PDSS2: variants seen among roughly 807,000 people sequenced by gnomAD.
The protein encoded by PDSS2 is decaprenyl diphosphate synthase subunit 2.
A neutral mutation model predicts 44.5 loss-of-function variants in PDSS2; 31 were observed. The observed-to-expected ratio is 0.70, with a 90% confidence interval of 0.52 to 0.94. The LOEUF (loss-of-function observed/expected upper bound fraction) is 0.94, where lower values mean the gene tolerates loss of function less well. Ranked by LOEUF, PDSS2 falls within the 40% of genes least tolerant of loss-of-function variation. The pLI is 0.00. For synonymous variants in PDSS2, 157 were observed against 180.3 expected, an observed-to-expected ratio of 0.87 and a Z score of 1.03; for missense variants, 452 against 482.2, an observed-to-expected ratio of 0.94 and a Z score of 0.59.
At chr6:107,331,817 A>T (rs1777719584) in intron 2 of PDSS2, among the ~76,000 whole-genome samples, 1 of 152,156 alleles carries the variant, frequency 6.6e-6, no homozygotes, top group East Asian at 1.9e-4. Context: ...TTTTGCAAGG[A>T]TTATTTTAGG....
At chr6:107,178,202 C>T (rs540583836) in intron 7 of PDSS2, among the ~76,000 whole-genome samples, 18 of 152,208 alleles carry the variant, frequency 1.2e-4, no homozygotes, top group African/African-American at 3.1e-4. Flanking sequence ...GCACCTCAAA[C>T]GACAGAGAAA....
intron 1 of PDSS2, among the ~76,000 whole-genome samples, chr6:107,391,909 A>C (rs1779797331): frequency 6.6e-6 from 1 of 151,428 alleles, no homozygotes; most frequent in African/African-American, 2.4e-5. Flanking sequence ...AGGGGGGAAA[A>C]ATCACCCTAC....
chr6:107,388,082 C>A (rs1000624744), intron 1 of PDSS2, among the ~76,000 whole-genome samples: 1 of 152,052 alleles, frequency 6.6e-6, no homozygotes, highest in Non-Finnish European at 1.5e-5. Context: ...CCCTACCAAT[C>A]AAAAAACGAA....
chr6:107,292,627 G>A (rs1776383591), intron 2 of PDSS2, among the ~76,000 whole-genome samples: 1 of 152,184 alleles, frequency 6.6e-6, no homozygotes, highest in African/African-American at 2.4e-5. Context: ...ACACCTATGA[G>A]AGTACTTTAA....
chr6:107,183,708 G>C (rs1227617727), intron 7 of PDSS2, among the ~76,000 whole-genome samples: 1 of 152,086 alleles, frequency 6.6e-6, no homozygotes, highest in East Asian at 1.9e-4. Flanking sequence ...GACCAACCTG[G>C]CCAACATGGT....
At chr6:107,422,237 C>T (rs891348398) in intron 1 of PDSS2, among the ~76,000 whole-genome samples, 3 of 151,646 alleles carry the variant, frequency 2.0e-5, no homozygotes, top group Non-Finnish European at 4.4e-5. Flanking sequence ...AACCACATAA[C>T]AAAAAAGACT....
intron 4 of PDSS2, among the ~76,000 whole-genome samples, chr6:107,232,876 G>A (rs1774097151): frequency 6.7e-6 from 1 of 150,174 alleles, no homozygotes; most frequent in Admixed American, 6.7e-5. Context: ...GTCTTGCTCT[G>A]TCACCCAGGC....
intron 7 of PDSS2, among the ~76,000 whole-genome samples, chr6:107,168,550 G>T (rs1189184513): frequency 6.6e-6 from 1 of 151,278 alleles, no homozygotes; most frequent in African/African-American, 2.4e-5. Flanking sequence ...GCTCGTTACT[G>T]GATGCAGTTT....
chr6:107,325,377 C>T (rs566669270), intron 2 of PDSS2, among the ~76,000 whole-genome samples: 3 of 152,150 alleles, frequency 2.0e-5, no homozygotes, highest in Non-Finnish European at 4.4e-5. Flanking sequence ...TAAGTTGCAT[C>T]ATGGTAAGCC....
chr6:107,280,742 T>G (rs547444315), intron 2 of PDSS2, among the ~76,000 whole-genome samples: 1 of 152,338 alleles, frequency 6.6e-6, no homozygotes, highest in South Asian at 2.1e-4. Flanking sequence ...TGAAATCTCT[T>G]CAAATGTTTT....
intron 3 of PDSS2, among the ~76,000 whole-genome samples, chr6:107,251,603 C>T (rs1774820401): frequency 6.6e-6 from 1 of 152,156 alleles, no homozygotes; most frequent in Non-Finnish European, 1.5e-5. Context: ...GAAGTAGTAG[C>T]AAAGGTAAAA....
In PDSS2 at chr6:107,335,266, T is replaced by C. The variant is rs151084217; in HGVS notation, c.297-934A>G. Among the ~76,000 whole-genome samples, 564 of 150,972 alleles carry C rather than the reference T, an allele frequency of 3.7e-3. 7 individuals are homozygous for C. Among genetic ancestry groups the C allele is most frequent in the African/African-American group, 0.013 (541 of 41,232 alleles). Reference sequence around the variant, plus strand: ...CCGCTGTCTATACCCTATCTCACAATCTTAATCATTTGCTCTGGTAACAAG... The same window carrying C: ...CCGCTGTCTATACCCTATCTCACAACCTTAATCATTTGCTCTGGTAACAAG... On this transcript the variant is annotated intron_variant, in intron 1 of 7. Transcript: ENST00000369037.
At chr6:107,411,573 TCAAAAATATTCAGAA>T (rs1780494667) in intron 1 of PDSS2, among the ~76,000 whole-genome samples, 1 of 152,152 alleles carries the variant, frequency 6.6e-6, no homozygotes, top group African/African-American at 2.4e-5. Flanking sequence ...CAACCACAGA[TCAAAAATATTCAGAA>T]AAAAAATAGA....
At chr6:107,391,302 T>C (rs147825420) in intron 1 of PDSS2, among the ~76,000 whole-genome samples, 18 of 152,182 alleles carry the variant, frequency 1.2e-4, no homozygotes, top group African/African-American at 4.1e-4. Flanking sequence ...AAAAATACCA[T>C]GTGTAATGAT....
chr6:107,362,911 T>C lies in PDSS2; in HGVS notation c.297-28579A>G, dbSNP rs913257253. On this transcript the variant is annotated intron_variant, in intron 1 of 7. Transcript: ENST00000369037. Reference sequence around the variant, plus strand: ...ATGAAAATATCACCAGAGAGTGCAATAGAGGATGTGAAATAGCAGAAAAAG... The same window carrying C: ...ATGAAAATATCACCAGAGAGTGCAACAGAGGATGTGAAATAGCAGAAAAAG... Among the ~76,000 whole-genome samples, 112 of 152,022 alleles carry C rather than the reference T, an allele frequency of 7.4e-4. 1 individual carries two copies. The highest frequency in any genetic ancestry group is 3.9e-4 in the East Asian group (2 of 5,166).
intron 1 of PDSS2, among the ~76,000 whole-genome samples, chr6:107,442,108 G>A (rs1425747394): frequency 6.6e-6 from 1 of 152,102 alleles, no homozygotes; most frequent in African/African-American, 2.4e-5. Flanking sequence ...GCTCCTCCTT[G>A]CCTAAGTAAT....
intron 7 of PDSS2, among the ~76,000 whole-genome samples, chr6:107,183,371 C>G (rs534934270): frequency 4.6e-5 from 7 of 152,116 alleles, no homozygotes; most frequent in Admixed American, 6.6e-5. Flanking sequence ...CCACAATCTC[C>G]ATAGTTATCA....
chr6:107,186,472 T>C (rs76902810), intron 7 of PDSS2, among the ~76,000 whole-genome samples: 6,108 of 138,416 alleles, frequency 0.044, 186 homozygotes, highest in Non-Finnish European at 0.07. Flanking sequence ...GAAATAATTA[T>C]ATAGTTTTTT....
chr6:107,360,286 A>G (rs960686667), intron 1 of PDSS2, among the ~76,000 whole-genome samples: 1 of 152,194 alleles, frequency 6.6e-6, no homozygotes. Context: ...CTTCCTGTGT[A>G]TTCTCTCTTC....
Sources: gnomAD v4.1 joint callset for allele counts (sites outside exome capture counted in the v4.1 genomes callset) on GRCh38, gnomAD v4.1.1 for gene constraint, MANE v1.5 for transcripts, NCBI Gene and HGNC (gene_info 2026-07-23, HGNC 2026-07-21) for gene names.